Variants in GLCCI1 observed in about 807,000 individuals in gnomAD.
GLCCI1 encodes glucocorticoid induced 1.
In GLCCI1, 24 loss-of-function variants were observed where a neutral mutation model predicts 52.2. The observed-to-expected ratio is 0.46, with a 90% CI of 0.33 to 0.65. GLCCI1 has a LOEUF of 0.65. Ranked by LOEUF, GLCCI1 falls within the 30% of genes least tolerant of loss-of-function variation. The pLI, the probability that GLCCI1 is intolerant of heterozygous loss-of-function variation, is 0.02. For missense variants in GLCCI1, 704 were observed against 701.5 expected (o/e 1.00, Z -0.04); for synonymous variants, 310 against 276.5 (o/e 1.12, Z -1.20).
chr7:8,004,097 ACTT>A (rs1473154702), intron 2 of GLCCI1, 38 bp downstream of exon 2: 3 of 1,571,576 alleles, frequency 1.9e-6, no homozygotes, highest in Admixed American at 1.7e-5. Flanking sequence ...ATTACCCTGC[ACTT>A]CTTCTGTTTT....
chr7:8,084,428 CATG>C (rs1283709086), intron 6 of GLCCI1, among the ~76,000 whole-genome samples: 1 of 152,006 alleles, frequency 6.6e-6, no homozygotes, highest in Non-Finnish European at 1.5e-5. Context: ...ACGTGTTATT[CATG>C]ATATTTAGCA....
intron 1 of GLCCI1, among the ~76,000 whole-genome samples, chr7:8,001,476 G>C (rs1781047867): frequency 6.6e-6 from 1 of 152,194 alleles, no homozygotes; most frequent in South Asian, 2.1e-4. Context: ...AGAGGATGTG[G>C]AGAAACAAGA....
intron 1 of GLCCI1, among the ~76,000 whole-genome samples, chr7:7,973,991 T>C (rs1480278454): frequency 6.6e-6 from 1 of 152,116 alleles, no homozygotes; most frequent in Non-Finnish European, 1.5e-5. Context: ...ATTAAGATCC[T>C]CCCTTTCCAT....
chr7:8,053,518 A>G (rs1782315563), intron 3 of GLCCI1, among the ~76,000 whole-genome samples: 3 of 144,272 alleles, frequency 2.1e-5, no homozygotes, highest in African/African-American at 5.2e-5. Context: ...TTTTTTTAGC[A>G]GAGATGGGGT....
At position 8,023,832 on chromosome 7, in the gene GLCCI1, T is replaced by C. The variant is rs1034586271; in HGVS notation, c.696+1263T>C. Among the ~76,000 whole-genome samples, 6 of 151,622 alleles carry C rather than the reference T, an allele frequency of 4.0e-5. No individual in the cohort carries two copies. In the East Asian group the frequency reaches 9.7e-4, roughly 25 times the overall value. ...CAGGCTAGTCTCGAACTCCTGACCTTAAGCGATCTGCCCACCTCGGCCTCC... is the reference window on the plus strand; with the variant it reads ...CAGGCTAGTCTCGAACTCCTGACCTCAAGCGATCTGCCCACCTCGGCCTCC... On this transcript the variant is annotated intron_variant, in intron 3 of 7. Coordinates refer to ENST00000223145, the MANE Select transcript of GLCCI1 (RefSeq NM_138426.4).
At position 7,969,709 on chromosome 7, in the gene GLCCI1, A is replaced by T; in HGVS notation, c.359A>T (p.Gln120Leu). 4 of 1,311,904 alleles carry T rather than the reference A, an allele frequency of 3.0e-6. No homozygotes were observed. The highest frequency in any genetic ancestry group is 3.9e-6 in the Non-Finnish European group (4 of 1,025,336). 81.3% of individuals were successfully genotyped at this position (1,311,904 alleles called of 1,614,324 possible). ...CCGGCGGCCGCAGCCCCGGCCGAGC[A>T]GGCGCCGCGGGCCAAGGGCCGCCCG... ...TPPAAAAPAEQAPRAKGRPRR... is the reference protein window; with the variant it reads ...TPPAAAAPAELAPRAKGRPRR... Residue 120 changes from glutamine to leucine, a missense_variant, in exon 1 of 8, where the codon CAG (glutamine) becomes CTG (leucine). Physicochemically the swap from Gln to Leu is moderately radical, Grantham distance 113. Coordinates refer to ENST00000223145, the MANE Select transcript of GLCCI1 (RefSeq NM_138426.4). This position sits in a 1 kb window ranked among gnomAD's most constrained non-coding sequence, Gnocchi z 4.9.
chr7:8,085,639 C>A (rs12668352), intron 7 of GLCCI1, among the ~76,000 whole-genome samples: 20,652 of 152,010 alleles, frequency 0.14, 1,519 homozygotes, highest in East Asian at 0.18. Flanking sequence ...ACCCATCTTG[C>A]AGGAGCTGAT....
intron 1 of GLCCI1, among the ~76,000 whole-genome samples, chr7:8,002,436 GC>G (rs1248441454): frequency 6.6e-6 from 1 of 152,142 alleles, no homozygotes; most frequent in African/African-American, 2.4e-5. Context: ...TAGATTCTCT[GC>G]CTTCAGTATA....
At chr7:8,085,759 C>A (rs965035818) in intron 7 of GLCCI1, among the ~76,000 whole-genome samples, 12 of 152,136 alleles carry the variant, frequency 7.9e-5, no homozygotes, top group African/African-American at 2.4e-4. Context: ...CTCCACCCCC[C>A]ATCTGTGCTA....
chr7:8,052,766 T>C (rs1432370000), intron 3 of GLCCI1, among the ~76,000 whole-genome samples: 1 of 152,210 alleles, frequency 6.6e-6, no homozygotes, highest in Non-Finnish European at 1.5e-5. Flanking sequence ...GGTCTCTTGC[T>C]AGTGATAATC....
chr7:8,039,690 TG>T (rs1781952660), intron 3 of GLCCI1, among the ~76,000 whole-genome samples: 1 of 152,132 alleles, frequency 6.6e-6, no homozygotes, highest in African/African-American at 2.4e-5. Flanking sequence ...ATTTAGGTGA[TG>T]GTTCCACTAA....
At chr7:7,998,413 G>T (rs192232577) in intron 1 of GLCCI1, among the ~76,000 whole-genome samples, 1 of 151,938 alleles carries the variant, frequency 6.6e-6, no homozygotes, top group Non-Finnish European at 1.5e-5. Context: ...ACAGGGTTTC[G>T]CCATTTTGGC....
intron 1 of GLCCI1, among the ~76,000 whole-genome samples, chr7:7,978,285 G>A (rs1482796260): frequency 6.6e-6 from 1 of 152,104 alleles, no homozygotes; most frequent in Non-Finnish European, 1.5e-5. Context: ...CTGCCCATTT[G>A]TAATGTATTA....
At chr7:8,010,851 A>C (rs1051724560) in intron 2 of GLCCI1, among the ~76,000 whole-genome samples, 1 of 152,184 alleles carries the variant, frequency 6.6e-6, no homozygotes, top group East Asian at 1.9e-4. Flanking sequence ...ACTTTATATC[A>C]TATTACTGAC....
Position 7,969,180 on chromosome 7 carries a change from G to C in GLCCI1, c.-171G>C. The C allele has an allele frequency of 1.7e-6, 1 of 592,026 alleles. No individual in the cohort carries two copies. The highest frequency in any genetic ancestry group is 6.5e-5 in the South Asian group (1 of 15,358). 36.7% of individuals were successfully genotyped at this position (592,026 alleles called of 1,614,324 possible). A position where few individuals can be genotyped will look rare whatever the true frequency, so the allele number is the denominator to read the frequency against. On this transcript the variant is annotated 5_prime_UTR_variant, in exon 1 of 8. Coordinates refer to ENST00000223145, the MANE Select transcript of GLCCI1 (RefSeq NM_138426.4). The surrounding 1 kb of genome is among the most constrained non-coding windows in gnomAD (Gnocchi z 4.9). ...TCCCCTCCCCCCTCGCCGAGGCGGC[G>C]GGGGTGTGCGTTGGGGAGGGGGAGC...
intron 1 of GLCCI1, chr7:7,982,138 C>A: frequency 2.7e-6 from 1 of 376,572 alleles, no homozygotes; most frequent in South Asian, 2.4e-5. Context: ...AATCCAAATA[C>A]CAGACATCTT....
At chr7:7,979,362 A>G (rs1472407515) in intron 1 of GLCCI1, among the ~76,000 whole-genome samples, 2 of 152,144 alleles carry the variant, frequency 1.3e-5, no homozygotes, top group Admixed American at 1.3e-4. Context: ...AGCAGATTTT[A>G]AATGAGTTAT....
rs1774727127 is a variant in GLCCI1, at chr7:8,086,544, G to A, written c.*6G>A. The A allele has an allele frequency of 3.8e-6, 6 of 1,571,542 alleles. No individual in the cohort carries two copies. Among genetic ancestry groups the A allele is most frequent in the Non-Finnish European group, 5.2e-6 (6 of 1,161,202 alleles). On this transcript the variant is annotated 3_prime_UTR_variant, in exon 8 of 8. Transcript: ENST00000223145. This position sits in a 1 kb window ranked among gnomAD's most constrained non-coding sequence, Gnocchi z 4.4. ...AGAACTATGTGATCATCTAAAAAAG[G>A]GGGAGCTGGCCTCCACCCTATGTTC...
intron 1 of GLCCI1, among the ~76,000 whole-genome samples, chr7:7,989,391 G>A (rs1780796786): frequency 6.6e-6 from 1 of 152,064 alleles, no homozygotes; most frequent in African/African-American, 2.4e-5. Flanking sequence ...TTCTATTTTT[G>A]TGTTTGTAAA....
Sources: gnomAD v4.1 joint callset for allele counts (sites outside exome capture counted in the v4.1 genomes callset) on GRCh38, gnomAD v4.1.1 for gene constraint, Gnocchi (gnomAD v3.1) non-coding constraint, MANE v1.5 for transcripts, NCBI Gene and HGNC (gene_info 2026-07-23, HGNC 2026-07-21) for gene names.